KCNJ3: variants seen among roughly 807,000 people sequenced by gnomAD.
KCNJ3 encodes the protein G protein-activated inward rectifier potassium channel 1.
KCNJ3 carries 4 observed loss-of-function variants against 39.2 expected under a neutral mutation model. That is an observed-to-expected ratio of 0.10 (90% CI 0.05 to 0.23). The LOEUF (loss-of-function observed/expected upper bound fraction) is 0.23, where lower values mean the gene tolerates loss of function less well. KCNJ3 is among the 10% of genes least tolerant of loss of function. The pLI, the probability that KCNJ3 is intolerant of heterozygous loss-of-function variation, is 1.00. For synonymous variants in KCNJ3, 230 were observed against 237.4 expected, an observed-to-expected ratio of 0.97 and a Z score of 0.29; for missense variants, 276 against 634.9, an observed-to-expected ratio of 0.43 and a Z score of 6.08.
chr2:154,716,273 C>T lies in KCNJ3; in HGVS notation c.919+6454C>T, dbSNP rs1402608189. Among the ~76,000 whole-genome samples the T allele has an allele frequency of 4.3e-5, 4 of 92,790 alleles. No homozygotes were observed. In the East Asian group the frequency reaches 1.1e-3, roughly 25 times the overall value. The allele number at this position is 92,790 out of a possible 152,430, so 60.9% of individuals were successfully genotyped here. A position where few individuals can be genotyped will look rare whatever the true frequency, so the allele number is the denominator to read the frequency against. ...TACAGGTGCCTGCCACCACGGCCGG[C>T]TAATTTTTTTTTTTTTTTTTTTTTT... On this transcript the variant is annotated intron_variant, in intron 2 of 2. Coordinates refer to ENST00000295101, the MANE Select transcript of KCNJ3 (RefSeq NM_002239.4).
intron 2 of KCNJ3, among the ~76,000 whole-genome samples, chr2:154,755,511 A>G (rs1273629116): frequency 6.6e-6 from 1 of 150,964 alleles, no homozygotes; most frequent in Non-Finnish European, 1.5e-5. Context: ...GGTTAAGGAT[A>G]CCTGTAAATA....
intron 2 of KCNJ3, among the ~76,000 whole-genome samples, chr2:154,787,154 C>T (rs1192170309): frequency 6.6e-6 from 1 of 152,032 alleles, no homozygotes; most frequent in Non-Finnish European, 1.5e-5. Context: ...AAGAAAAGAA[C>T]TTTTAATATT....
At chr2:154,833,985 T>C (rs1161109904) in intron 2 of KCNJ3, among the ~76,000 whole-genome samples, 1 of 152,198 alleles carries the variant, frequency 6.6e-6, no homozygotes, top group Non-Finnish European at 1.5e-5. Flanking sequence ...AAAGCTGCTA[T>C]AAACATTCCT....
At chr2:154,846,228 T>C (rs898123168) in intron 2 of KCNJ3, among the ~76,000 whole-genome samples, 4 of 136,556 alleles carry the variant, frequency 2.9e-5, no homozygotes, top group Non-Finnish European at 6.4e-5. Flanking sequence ...CAGATAAATA[T>C]AGACAACATA....
intron 2 of KCNJ3, among the ~76,000 whole-genome samples, chr2:154,753,145 T>G (rs1026709651): frequency 6.6e-6 from 1 of 152,050 alleles, no homozygotes; most frequent in African/African-American, 2.4e-5. Context: ...ACTTTTTCAG[T>G]GATTAAAATA....
Position 154,841,882 on chromosome 2 carries a change from A to T in KCNJ3, c.920-12845A>T, listed in dbSNP as rs180863631. ...TCAATTTTGTTGATCTTTTCAAAAAACCAGCTCCTGGATTCATTGATTTTT... is the reference window on the plus strand; with the variant it reads ...TCAATTTTGTTGATCTTTTCAAAAATCCAGCTCCTGGATTCATTGATTTTT... On this transcript the variant is annotated intron_variant, in intron 2 of 2. Transcript: ENST00000295101. Among the ~76,000 whole-genome samples the T allele has an allele frequency of 2.8e-3, 430 of 152,042 alleles. 4 individuals are homozygous for T. The highest frequency in any genetic ancestry group is 0.01 in the African/African-American group (420 of 41,458).
At chr2:154,851,672 T>C (rs1398627951) in intron 2 of KCNJ3, among the ~76,000 whole-genome samples, 2 of 152,220 alleles carry the variant, frequency 1.3e-5, no homozygotes, top group Non-Finnish European at 2.9e-5. Context: ...GTAAAGTTAA[T>C]TTTATCTAGT....
At chr2:154,815,885 C>G (rs1687076407) in intron 2 of KCNJ3, among the ~76,000 whole-genome samples, 1 of 152,152 alleles carries the variant, frequency 6.6e-6, no homozygotes, top group Non-Finnish European at 1.5e-5. Context: ...CCATGGTTTT[C>G]CTTGTTCCCT....
At chr2:154,786,392 T>C (rs1686530387) in intron 2 of KCNJ3, among the ~76,000 whole-genome samples, 1 of 152,180 alleles carries the variant, frequency 6.6e-6, no homozygotes, top group South Asian at 2.1e-4. Flanking sequence ...CTCAAATTTA[T>C]AAACATTTCA....
chr2:154,739,408 T>G (rs2105173719), intron 2 of KCNJ3, among the ~76,000 whole-genome samples: 1 of 152,160 alleles, frequency 6.6e-6, no homozygotes, highest in Non-Finnish European at 1.5e-5. Context: ...AGAATAAGTG[T>G]CCAGTTGAAT....
At chr2:154,730,961 A>G (rs548035834) in intron 2 of KCNJ3, among the ~76,000 whole-genome samples, 1 of 152,248 alleles carries the variant, frequency 6.6e-6, no homozygotes, top group African/African-American at 2.4e-5. Flanking sequence ...TTTTCTAAAA[A>G]GAAGTAAGAA....
intron 2 of KCNJ3, among the ~76,000 whole-genome samples, chr2:154,769,446 A>G (rs1686198102): frequency 6.6e-6 from 1 of 152,124 alleles, no homozygotes; most frequent in Non-Finnish European, 1.5e-5. Flanking sequence ...TGAAATAATC[A>G]TGTGGTTTTC....
rs190035976 is a variant in KCNJ3 at position 154,800,983 on chromosome 2, C to T, written c.920-53744C>T. 3.5e-3 allele frequency among the ~76,000 whole-genome samples: 529 copies of T among 152,230 alleles called. 2 individuals are homozygous for T. The highest frequency in any genetic ancestry group is 6.8e-3 in the Middle Eastern group (2 of 294). ...TCCTGCCCCTCTGGCTCCCATGTGACGTCGGGGAGACATCTATTAGTTGTT... is the reference window on the plus strand; with the variant it reads ...TCCTGCCCCTCTGGCTCCCATGTGATGTCGGGGAGACATCTATTAGTTGTT... On this transcript the variant is annotated intron_variant, in intron 2 of 2. Transcript: ENST00000295101.
chr2:154,782,254 C>T (rs922024576), intron 2 of KCNJ3, among the ~76,000 whole-genome samples: 2 of 152,234 alleles, frequency 1.3e-5, no homozygotes, highest in Admixed American at 1.3e-4. Context: ...GGGAAAGCTT[C>T]TCATCTGTCC....
chr2:154,853,066 C>T (rs1687782654), intron 2 of KCNJ3, among the ~76,000 whole-genome samples: 1 of 151,666 alleles, frequency 6.6e-6, no homozygotes. Context: ...GACTTAACCT[C>T]TCTGAGCACT....
chr2:154,750,055 G>C (rs562278686), intron 2 of KCNJ3, among the ~76,000 whole-genome samples: 2 of 152,008 alleles, frequency 1.3e-5, no homozygotes, highest in Admixed American at 6.6e-5. Context: ...AGAAAGCCTA[G>C]TGAATAGCAA....
intron 2 of KCNJ3, among the ~76,000 whole-genome samples, chr2:154,797,283 A>T (rs1284038151): frequency 6.6e-6 from 1 of 152,234 alleles, no homozygotes; most frequent in Non-Finnish European, 1.5e-5. Flanking sequence ...GTTTCACAAA[A>T]GTTGATATGA....
chr2:154,707,843 T>C (rs1364897682), intron 1 of KCNJ3, among the ~76,000 whole-genome samples: 1 of 152,176 alleles, frequency 6.6e-6, no homozygotes. Flanking sequence ...TAATTTTGTT[T>C]TGTGTCCGGC....
intron 2 of KCNJ3, among the ~76,000 whole-genome samples, chr2:154,828,323 A>G (rs565273287): frequency 6.6e-6 from 1 of 152,302 alleles, no homozygotes; most frequent in South Asian, 2.1e-4. Context: ...TAGATATCCT[A>G]CTGGGGCTCC....
Sources: gnomAD v4.1 joint callset for allele counts (sites outside exome capture counted in the v4.1 genomes callset) on GRCh38, gnomAD v4.1.1 for gene constraint, MANE v1.5 for transcripts, NCBI Gene and HGNC (gene_info 2026-07-23, HGNC 2026-07-21) for gene names.